Variants in BOLL observed in about 807,000 individuals in gnomAD.
BOLL encodes the protein protein boule-like.
A neutral mutation model predicts 44.4 loss-of-function variants in BOLL; 23 were observed. The observed-to-expected ratio is 0.52, with a 90% CI of 0.37 to 0.73. The LOEUF (loss-of-function observed/expected upper bound fraction) is 0.73. Among genes scored for constraint, BOLL ranks in the 30% least tolerant of loss-of-function variants. The pLI is 0.00. For missense variants in BOLL, 287 were observed against 338.3 expected, an observed-to-expected ratio of 0.85 and a Z score of 1.19; for synonymous variants, 97 against 110.8, an observed-to-expected ratio of 0.88 and a Z score of 0.78.
intron 10 of BOLL, among the ~76,000 whole-genome samples, chr2:197,729,206 G>A (rs575356845): frequency 3.9e-5 from 6 of 152,346 alleles, no homozygotes; most frequent in Admixed American, 3.9e-4. Context: ...GTCAAAGAAA[G>A]GGGTGATGGA....
At chr2:197,769,167 T>C (rs1266169568) in intron 6 of BOLL, among the ~76,000 whole-genome samples, 1 of 152,106 alleles carries the variant, frequency 6.6e-6, no homozygotes, top group African/African-American at 2.4e-5. Context: ...AGGATGATGC[T>C]GGCCTCATAA....
At chr2:197,733,491 C>T (rs1176143660) in intron 10 of BOLL, among the ~76,000 whole-genome samples, 4 of 151,384 alleles carry the variant, frequency 2.6e-5, no homozygotes, top group Non-Finnish European at 3.0e-5. Context: ...CAAAAAAGAG[C>T]CCGCATCGCC....
intron 9 of BOLL, among the ~76,000 whole-genome samples, chr2:197,743,393 A>G (rs1574816858): frequency 6.6e-6 from 1 of 152,366 alleles, no homozygotes; most frequent in East Asian, 1.9e-4. Context: ...CATAAATCCT[A>G]TAGACATGTA....
At position 197,732,643 on chromosome 2, in the gene BOLL, A is replaced by G. The variant is rs1349404399; in HGVS notation, c.829-4065T>C. On this transcript the variant is annotated intron_variant, in intron 10 of 10. Coordinates refer to ENST00000392296, the MANE Select transcript of BOLL (RefSeq NM_033030.6). ...AAGTGGGCTTCATCCCTGGGATGCA[A>G]GACTGGTTCAATATACGCAAATCAA... Among the ~76,000 whole-genome samples the G allele has an allele frequency of 2.1e-4, 31 of 150,586 alleles. No homozygotes were observed. The East Asian group carries it at 6.0e-3, about 29-fold the overall frequency.
intron 6 of BOLL, among the ~76,000 whole-genome samples, chr2:197,769,122 C>CT (rs938271841): frequency 6.6e-6 from 1 of 151,744 alleles, no homozygotes; most frequent in Non-Finnish European, 1.5e-5. Context: ...CTAAAATTCT[C>CT]TTTTTTTGTT....
intron 7 of BOLL, among the ~76,000 whole-genome samples, chr2:197,763,209 A>T (rs1688837315): frequency 6.6e-6 from 1 of 152,174 alleles, no homozygotes; most frequent in African/African-American, 2.4e-5. Flanking sequence ...AAGGCCGGGC[A>T]CGGTGGCTGA....
In BOLL at chr2:197,784,475, G is replaced by T. The variant is rs1174558149; in HGVS notation, c.-16+581C>A. Among the ~76,000 whole-genome samples the T allele has an allele frequency of 2.9e-5, 4 of 138,142 alleles. No homozygotes were observed. In the South Asian group the frequency reaches 6.9e-4, roughly 24 times the overall value. The allele number at this position is 138,142 out of a possible 152,430, so 90.6% of individuals were successfully genotyped here. A position where few individuals can be genotyped will look rare whatever the true frequency, so the allele number is the denominator to read the frequency against. On this transcript the variant is annotated intron_variant, in intron 1 of 10. Transcript: ENST00000392296. ...TTGAGACAGTCTTGCTCTGTCGCCA[G>T]GCTGGAGTGCAGTGGCGTGATTTCG...
At chr2:197,786,145 G>T, upstream of BOLL, 1 of 1,288,102 alleles carries the variant, frequency 7.8e-7, no homozygotes, top group Non-Finnish European at 1.0e-6. The surrounding 1 kb of genome is among the most constrained non-coding windows in gnomAD (Gnocchi z 5.9). Flanking sequence ...GCAGCTGCAG[G>T]GAAGCAGGCT....
At chr2:197,776,034 A>G (rs1222195887) in intron 4 of BOLL, among the ~76,000 whole-genome samples, 2 of 151,840 alleles carry the variant, frequency 1.3e-5, no homozygotes, top group African/African-American at 4.8e-5. Context: ...TATTTGTGGC[A>G]ATTTTGAGGT....
At chr2:197,734,707 G>C (rs953354977) in intron 10 of BOLL, among the ~76,000 whole-genome samples, 13 of 151,976 alleles carry the variant, frequency 8.6e-5, no homozygotes, top group Non-Finnish European at 4.4e-5. Context: ...ACTATTGCAA[G>C]GACAAAAAAC....
intron 7 of BOLL, among the ~76,000 whole-genome samples, chr2:197,762,947 T>C (rs531297427): frequency 1.3e-5 from 2 of 152,190 alleles, no homozygotes; most frequent in Admixed American, 6.5e-5. Context: ...AAAGGTTGAC[T>C]TTTTAAAAAG....
Position 197,726,895 on chromosome 2 carries a change from T to C in BOLL, c.*1660A>G, listed in dbSNP as rs1457726968. On this transcript the variant is annotated 3_prime_UTR_variant, in exon 11 of 11. Transcript: ENST00000392296. Reference sequence around the variant, plus strand: ...ATTATCATCAAAATTCCTTATCCAATAATACATAATTAATTTTTATTAACA... The same window carrying C: ...ATTATCATCAAAATTCCTTATCCAACAATACATAATTAATTTTTATTAACA... 1 of 152,632 alleles carries C rather than the reference T, an allele frequency of 6.6e-6. No individual in the cohort carries two copies. Among genetic ancestry groups the C allele is most frequent in the Non-Finnish European group, 1.5e-5 (1 of 68,032 alleles). The allele number at this position is 152,632 out of a possible 1,614,324, so 9.5% of individuals were successfully genotyped here. A position where few individuals can be genotyped will look rare whatever the true frequency, so the allele number is the denominator to read the frequency against.
At chr2:197,770,578 A>C (rs557594003) in intron 6 of BOLL, among the ~76,000 whole-genome samples, 54 of 152,320 alleles carry the variant, frequency 3.5e-4, no homozygotes, top group African/African-American at 1.2e-3. Context: ...AATGGGAGAA[A>C]ATTTTTGCAA....
chr2:197,770,512 A>C (rs1447363757), intron 6 of BOLL, among the ~76,000 whole-genome samples: 2 of 152,194 alleles, frequency 1.3e-5, no homozygotes, highest in African/African-American at 2.4e-5. Flanking sequence ...TAATTAAACT[A>C]AAGAGCTTCT....
intron 9 of BOLL, among the ~76,000 whole-genome samples, chr2:197,754,743 A>T (rs1316639085): frequency 8.6e-6 from 1 of 116,604 alleles, no homozygotes. Flanking sequence ...AAACAAAAAA[A>T]CCCCAAAACA....
chr2:197,776,683 T>G (rs1206719856), intron 4 of BOLL, among the ~76,000 whole-genome samples: 1 of 151,838 alleles, frequency 6.6e-6, no homozygotes, highest in Non-Finnish European at 1.5e-5. Context: ...GGCTATAGGC[T>G]TTTTTTCTGT....
chr2:197,747,912 G>C (rs1015598024), intron 9 of BOLL, among the ~76,000 whole-genome samples: 8 of 152,172 alleles, frequency 5.3e-5, no homozygotes, highest in Non-Finnish European at 4.4e-5. Context: ...AAGCAATGGG[G>C]AAAGGATTCC....
chr2:197,776,642 C>T (rs1430795582), intron 4 of BOLL, among the ~76,000 whole-genome samples: 1 of 151,828 alleles, frequency 6.6e-6, no homozygotes, highest in Non-Finnish European at 1.5e-5. Context: ...GTTATATTTG[C>T]CTTAACTTAA....
At chr2:197,729,126 C>G (rs966186978) in intron 10 of BOLL, among the ~76,000 whole-genome samples, 1 of 152,112 alleles carries the variant, frequency 6.6e-6, no homozygotes, top group African/African-American at 2.4e-5. Context: ...GTGCACCGTG[C>G]GCAAGCTGAA....
Sources: allele counts gnomAD v4.1 joint callset (sites outside exome capture counted in the v4.1 genomes callset), GRCh38; gene constraint gnomAD v4.1.1; non-coding constraint Gnocchi (gnomAD v3.1); transcripts MANE v1.5; gene names NCBI Gene and HGNC (gene_info 2026-07-23, HGNC 2026-07-21).